The following DAB1 variants were observed in gnomAD, a reference collection of about 807,000 sequenced individuals.
DAB1 encodes DAB adaptor protein 1.
Under a neutral mutation model 64.6 loss-of-function variants are expected in DAB1, and 15 were observed. The ratio of observed to expected loss-of-function variants is 0.23; its 90% confidence interval spans 0.16 to 0.36. The LOEUF is 0.36. Among genes scored for constraint, DAB1 ranks in the 10% least tolerant of loss-of-function variants. DAB1 has a pLI of 1.00. For synonymous variants in DAB1, 235 were observed against 251.9 expected, an observed-to-expected ratio of 0.93 and a Z score of 0.64; for missense variants, 596 against 706.7, an observed-to-expected ratio of 0.84 and a Z score of 1.78.
At chr1:57,854,504 G>A (rs1157269629) in intron 1 of DAB1, among the ~76,000 whole-genome samples, 1 of 152,148 alleles carries the variant, frequency 6.6e-6, no homozygotes, top group African/African-American at 2.4e-5. Context: ...TAACAACCCT[G>A]AGGAAGATCG....
intron 4 of DAB1, among the ~76,000 whole-genome samples, chr1:57,119,086 G>A (rs1361622808): frequency 6.6e-6 from 1 of 151,986 alleles, no homozygotes; most frequent in Admixed American, 6.6e-5. Context: ...AAAGACTGCC[G>A]GTGGACCACT....
chr1:58,256,286 A>G (rs1353673727), intron 4 of DAB1, among the ~76,000 whole-genome samples: 1 of 152,242 alleles, frequency 6.6e-6, no homozygotes, highest in African/African-American at 2.4e-5. Context: ...AAAAGGCGCC[A>G]TGGCAGCTCT....
At chr1:57,042,816 T>C (rs1446818139) in intron 9 of DAB1, among the ~76,000 whole-genome samples, 1 of 152,104 alleles carries the variant, frequency 6.6e-6, no homozygotes, top group African/African-American at 2.4e-5. Flanking sequence ...TTGGCATGTA[T>C]GTGCATGCAT....
intron 2 of DAB1, among the ~76,000 whole-genome samples, chr1:57,242,413 C>T (rs1272005137): frequency 1.3e-5 from 2 of 152,064 alleles, no homozygotes; most frequent in African/African-American, 4.8e-5. Context: ...GGGGAAGGGT[C>T]ACGGGGGAAG....
intron 7 of DAB1, among the ~76,000 whole-genome samples, chr1:57,451,654 C>T (rs1030191791): frequency 5.3e-5 from 8 of 152,070 alleles, no homozygotes; most frequent in African/African-American, 1.7e-4. Flanking sequence ...GAGGGAGAAG[C>T]GAAGGACGCA....
intron 4 of DAB1, among the ~76,000 whole-genome samples, chr1:58,170,433 C>T (rs779148566): frequency 4.6e-5 from 7 of 152,074 alleles, no homozygotes; most frequent in South Asian, 4.2e-4. Flanking sequence ...CCCAATCAGC[C>T]GCAGATATCA....
chr1:57,084,780 G>A (rs757220504), intron 4 of DAB1, among the ~76,000 whole-genome samples: 1 of 152,144 alleles, frequency 6.6e-6, no homozygotes, highest in Non-Finnish European at 1.5e-5. Context: ...AACACAGAGT[G>A]TAGTGCAGTG....
At chr1:57,294,731 C>G (rs1558110127) in intron 1 of DAB1, among the ~76,000 whole-genome samples, 1 of 152,144 alleles carries the variant, frequency 6.6e-6, no homozygotes, top group Non-Finnish European at 1.5e-5. Context: ...AACTGAGGCA[C>G]AAGCCAGCTT....
chr1:57,822,984 T>A (rs1413594162), downstream of DAB1, among the ~76,000 whole-genome samples: 8 of 13,510 alleles, frequency 5.9e-4, no homozygotes, highest in South Asian at 2.2e-3. Context: ...AATTTAGGAA[T>A]TTTTTTTTTT....
rs190226968 is a variant in DAB1, at chr1:57,640,162, G to A, written n.625+9430C>T. Among the ~76,000 whole-genome samples, 4 of 152,258 alleles carry A rather than the reference G, an allele frequency of 2.6e-5. No homozygotes were observed. In the East Asian group the frequency reaches 7.7e-4, roughly 29 times the overall value. The stretch of plus-strand genomic sequence containing the variant: ...TCATTTGCTATGTGACTTAATGTGA[G>A]TTCCTCATCACTTGGGGCCTCAAAT... On this transcript the variant is annotated intron_variant and non_coding_transcript_variant, in intron 7 of 20. Transcript: ENST00000485760.
chr1:57,587,649 C>T (rs760038429), intron 7 of DAB1, among the ~76,000 whole-genome samples: 1 of 152,212 alleles, frequency 6.6e-6, no homozygotes, highest in Non-Finnish European at 1.5e-5. Context: ...CTGCTCCAGC[C>T]ACTCTGCTGC....
At chr1:57,946,552 T>C (rs1428415220) in intron 5 of DAB1, among the ~76,000 whole-genome samples, 2 of 152,220 alleles carry the variant, frequency 1.3e-5, no homozygotes, top group African/African-American at 4.8e-5. Flanking sequence ...GGGCATTCTG[T>C]TGGATTCAAA....
intron 4 of DAB1, among the ~76,000 whole-genome samples, chr1:57,095,415 G>C (rs1041600674): frequency 2.0e-5 from 3 of 152,158 alleles, no homozygotes; most frequent in Non-Finnish European, 4.4e-5. Context: ...TCTGAGTCCT[G>C]TCTTGCAGGA....
intron 7 of DAB1, among the ~76,000 whole-genome samples, chr1:57,623,574 A>G (rs1645887315): frequency 6.6e-6 from 1 of 152,118 alleles, no homozygotes; most frequent in Non-Finnish European, 1.5e-5. Flanking sequence ...AGTATGAATG[A>G]TATTGTTAGG....
At chr1:58,268,996 CTT>C (rs1661242918) in intron 4 of DAB1, among the ~76,000 whole-genome samples, 1 of 108,892 alleles carries the variant, frequency 9.2e-6, no homozygotes, top group East Asian at 2.8e-4. Context: ...CCTTGGTCCT[CTT>C]GTTTTATTTT....
At chr1:57,644,169 T>C (rs1570700477) in intron 7 of DAB1, among the ~76,000 whole-genome samples, 1 of 152,126 alleles carries the variant, frequency 6.6e-6, no homozygotes, top group East Asian at 1.9e-4. Context: ...AGCATAGTAC[T>C]ACTTACGGGG....
intron 7 of DAB1, among the ~76,000 whole-genome samples, chr1:57,518,623 C>T (rs558496873): frequency 1.3e-5 from 2 of 152,130 alleles, no homozygotes; most frequent in Non-Finnish European, 1.5e-5. Context: ...GCTTCTGCCC[C>T]ACATCTGGGA....
chr1:57,617,061 C>T (rs1570677461), intron 7 of DAB1, among the ~76,000 whole-genome samples: 1 of 152,140 alleles, frequency 6.6e-6, no homozygotes, highest in African/African-American at 2.4e-5. Flanking sequence ...GCCAGTGGAC[C>T]GTCATTCTGT....
At chr1:57,668,084 T>A (rs1419543710) in intron 6 of DAB1, among the ~76,000 whole-genome samples, 1 of 152,050 alleles carries the variant, frequency 6.6e-6, no homozygotes, top group Admixed American at 6.6e-5. Flanking sequence ...GGAACTGAAT[T>A]TTTTACTTTT....
Sources: allele counts gnomAD v4.1 joint callset (sites outside exome capture counted in the v4.1 genomes callset), GRCh38; gene constraint gnomAD v4.1.1; transcripts MANE v1.5; gene names NCBI Gene and HGNC (gene_info 2026-07-23, HGNC 2026-07-21).